Variants in FSIP1 observed in about 807,000 individuals in gnomAD.
FSIP1 encodes the protein fibrous sheath interacting protein 1, also known as fibrous sheath-interacting protein 1.
Under a neutral mutation model 60.9 loss-of-function variants are expected in FSIP1, and 65 were observed. That is an observed-to-expected ratio of 1.07 (90% CI 0.87 to 1.31). The LOEUF is 1.31. FSIP1 is among the 40% of genes most tolerant of loss of function. FSIP1 has a pLI of 0.00. For missense variants in FSIP1, 675 were observed against 665.5 expected (o/e 1.01, Z -0.16); for synonymous variants, 209 against 221.2 (o/e 0.94, Z 0.49).
chr15:39,748,528 A>C (rs188145305), intron 5 of FSIP1, among the ~76,000 whole-genome samples: 125 of 152,280 alleles, frequency 8.2e-4, no homozygotes, highest in Non-Finnish European at 9.1e-4. Context: ...TAGTGGCATA[A>C]ATTCCAGTAG....
In FSIP1 at chr15:39,662,441, G is replaced by A. The variant is rs555865465; in HGVS notation, c.1189-44196C>T. 1.8e-4 allele frequency among the ~76,000 whole-genome samples: 28 copies of A among 152,156 alleles called. No individual in the cohort carries two copies. The South Asian group carries it at 2.9e-3, about 16-fold the overall frequency. On this transcript the variant is annotated intron_variant, in intron 10 of 11. Coordinates refer to ENST00000350221, the MANE Select transcript of FSIP1 (RefSeq NM_152597.5). ...CCATTATCTACCCAAAAAAGGAGGC[G>A]GAAAGATTTAGCAGGTAAGATGTTT...
intron 10 of FSIP1, among the ~76,000 whole-genome samples, chr15:39,623,976 A>G (rs779872165): frequency 6.6e-6 from 1 of 152,132 alleles, no homozygotes; most frequent in Admixed American, 6.5e-5. Flanking sequence ...CCCACCAACA[A>G]CTGACTATGT....
chr15:39,690,097 G>A lies in FSIP1; in HGVS notation c.1188+23347C>T, dbSNP rs1374298366. Among the ~76,000 whole-genome samples, 2 of 152,210 alleles carry A rather than the reference G, an allele frequency of 1.3e-5. 1 individual carries two copies. The highest frequency in any genetic ancestry group is 1.3e-4 in the Admixed American group (2 of 15,284). On this transcript the variant is annotated intron_variant, in intron 10 of 11. Transcript: ENST00000350221. The stretch of plus-strand genomic sequence containing the variant: ...GAATAACATGTGCAAAGATTCAGTG[G>A]CATAAAGAAGGTTTGTATGTTAGGG...
At chr15:39,731,036 G>A (rs11854306) in intron 8 of FSIP1, among the ~76,000 whole-genome samples, 54,096 of 151,986 alleles carry the variant, frequency 0.36, 12,350 homozygotes, top group African/African-American at 0.65. Flanking sequence ...AACCCAGAAC[G>A]GTGACTGATA....
intron 10 of FSIP1, among the ~76,000 whole-genome samples, chr15:39,621,844 T>C (rs1891452566): frequency 2.0e-5 from 3 of 152,216 alleles, no homozygotes; most frequent in African/African-American, 7.2e-5. Flanking sequence ...GCAATACAGA[T>C]TGGAAACTTC....
chr15:39,748,253 A>G (rs1897058646), intron 5 of FSIP1, among the ~76,000 whole-genome samples: 1 of 152,204 alleles, frequency 6.6e-6, no homozygotes, highest in South Asian at 2.1e-4. Context: ...TAAAAGCACA[A>G]TTATACTGAA....
intron 10 of FSIP1, among the ~76,000 whole-genome samples, chr15:39,620,327 A>C (rs1891394058): frequency 6.6e-6 from 1 of 152,202 alleles, no homozygotes; most frequent in African/African-American, 2.4e-5. Flanking sequence ...GCACTTTATT[A>C]GTTAAATTAT....
intron 10 of FSIP1, 66 bp from the exon 11 acceptor site, chr15:39,618,311 C>T: frequency 7.8e-7 from 1 of 1,275,958 alleles, no homozygotes; most frequent in East Asian, 2.3e-5. Flanking sequence ...TTTTGGTAGG[C>T]ATCCAGTAAT....
intron 10 of FSIP1, among the ~76,000 whole-genome samples, chr15:39,618,518 G>A (rs1199997487): frequency 4.6e-5 from 7 of 152,080 alleles, no homozygotes; most frequent in Non-Finnish European, 1.0e-4. Context: ...TGGCATACAA[G>A]GCAGACTACC....
intron 5 of FSIP1, among the ~76,000 whole-genome samples, chr15:39,752,867 TA>T (rs1246101953): frequency 6.6e-6 from 1 of 151,970 alleles, no homozygotes; most frequent in Admixed American, 6.6e-5. Flanking sequence ...GGGGTGGGTA[TA>T]GGGGAAATCT....
intron 11 of FSIP1, among the ~76,000 whole-genome samples, chr15:39,609,019 G>C (rs2140367467): frequency 6.6e-6 from 1 of 152,308 alleles, no homozygotes; most frequent in Non-Finnish European, 1.5e-5. Flanking sequence ...TGGGAAAAGA[G>C]AGAGGCAAAC....
At chr15:39,721,696 A>C (rs1363479794) in intron 9 of FSIP1, among the ~76,000 whole-genome samples, 3 of 152,236 alleles carry the variant, frequency 2.0e-5, no homozygotes, top group Admixed American at 2.0e-4. Context: ...CCTGCCATAC[A>C]ATATAGAGTG....
chr15:39,732,697 C>T (rs1401416189), intron 8 of FSIP1, among the ~76,000 whole-genome samples: 1 of 148,772 alleles, frequency 6.7e-6, no homozygotes, highest in African/African-American at 2.5e-5. Context: ...GGAATTAAAA[C>T]ATAATTATCA....
At chr15:39,768,536 G>A (rs572089047) in intron 3 of FSIP1, among the ~76,000 whole-genome samples, 4 of 152,330 alleles carry the variant, frequency 2.6e-5, no homozygotes, top group South Asian at 4.1e-4. Flanking sequence ...AGTGAGAAGA[G>A]TGGTATTGTT....
At chr15:39,755,751 T>G (rs1482138346) in intron 5 of FSIP1, among the ~76,000 whole-genome samples, 1 of 152,138 alleles carries the variant, frequency 6.6e-6, no homozygotes, top group Admixed American at 6.5e-5. Flanking sequence ...TGAAAAAGCC[T>G]AATTGGTTAT....
chr15:39,642,053 C>T (rs777541890), intron 10 of FSIP1, among the ~76,000 whole-genome samples: 6 of 152,124 alleles, frequency 3.9e-5, no homozygotes, highest in Non-Finnish European at 7.3e-5. Context: ...GCTATAAAGC[C>T]TCCAGTTTGA....
chr15:39,683,762 T>C (rs1287017466), intron 10 of FSIP1, among the ~76,000 whole-genome samples: 1 of 152,170 alleles, frequency 6.6e-6, no homozygotes, highest in Non-Finnish European at 1.5e-5. Flanking sequence ...AAATTAACCA[T>C]TTTTCTATAT....
At chr15:39,614,847 T>C (rs1417408350) in intron 11 of FSIP1, among the ~76,000 whole-genome samples, 1 of 152,150 alleles carries the variant, frequency 6.6e-6, no homozygotes, top group African/African-American at 2.4e-5. Flanking sequence ...AAAGAAATCT[T>C]GACCAAAAAA....
At chr15:39,639,932 TGTAA>T (rs1892291825) in intron 10 of FSIP1, among the ~76,000 whole-genome samples, 1 of 152,364 alleles carries the variant, frequency 6.6e-6, no homozygotes, top group South Asian at 2.1e-4. Flanking sequence ...CCCACTAGAC[TGTAA>T]GTCTCATTTG....
Sources: allele counts gnomAD v4.1 joint callset (sites outside exome capture counted in the v4.1 genomes callset), GRCh38; gene constraint gnomAD v4.1.1; transcripts MANE v1.5; gene names NCBI Gene and HGNC (gene_info 2026-07-23, HGNC 2026-07-21).